The following ACTN2 variants were observed in gnomAD, a reference collection of about 807,000 sequenced individuals.
ACTN2 encodes the protein alpha-actinin-2.
A neutral mutation model predicts 113.8 loss-of-function variants in ACTN2; 39 were observed. The ratio of observed to expected loss-of-function variants is 0.34; its 90% CI spans 0.27 to 0.45. ACTN2 has a LOEUF of 0.45. Ranked by LOEUF, ACTN2 falls within the 20% of genes least tolerant of loss-of-function variation. The pLI is 1.00. For missense variants in ACTN2, 992 were observed against 1,177.9 expected (o/e 0.84, Z 2.31); for synonymous variants, 429 against 444.1 (o/e 0.97, Z 0.43).
chr1:236,753,870 A>ACAAAAAACC, intron 15 of ACTN2, 77 bp from the exon 16 acceptor site: 1 of 1,088,468 alleles, frequency 9.2e-7, no homozygotes, highest in Non-Finnish European at 1.3e-6. Flanking sequence ...CACCCCTTGG[A>ACAAAAAACC]CTATTCCCGC....
chr1:236,744,164 C>G lies in ACTN2; in HGVS notation c.1256-462C>G, dbSNP rs140195711. Among the ~76,000 whole-genome samples, 630 of 152,270 alleles carry G rather than the reference C, an allele frequency of 4.1e-3. 2 individuals carry two copies. Among genetic ancestry groups the G allele is most frequent in the African/African-American group, 0.014 (590 of 41,540 alleles). Reference sequence around the variant, plus strand: ...ATTATCAGGAAAAACAAAGCACAGGCTCCATTTAAGCACACAGAGTATAGC... The same window carrying G: ...ATTATCAGGAAAAACAAAGCACAGGGTCCATTTAAGCACACAGAGTATAGC... On this transcript the variant is annotated intron_variant, in intron 11 of 20. Coordinates refer to ENST00000366578, the MANE Select transcript of ACTN2 (RefSeq NM_001103.4).
chr1:236,749,208 G>T lies in ACTN2; in HGVS notation c.1600G>T (p.Gly534Cys). The change falls in exon 14 of 21, where the codon GGC becomes TGC. Residue 534 changes from glycine to cysteine, a missense_variant. Gly to Cys is a radical substitution (Grantham distance 159). Around this residue, in one of 3 missense-constraint regions of ACTN2, gnomAD observed 736 missense variants for 815.4 expected, o/e 0.90. Coordinates refer to ENST00000366578, the MANE Select transcript of ACTN2 (RefSeq NM_001103.4). ...TGCTCCTTTCAACAATTGGATGGAG[G>T]GCGCTATGGAGGATCTGCAAGATAT... ...RAAPFNNWME[G>C]AMEDLQDMFI... 1.2e-6 allele frequency: 2 copies of T among 1,614,156 alleles called. No homozygotes were observed. The highest frequency in any genetic ancestry group is 1.7e-6 in the Non-Finnish European group (2 of 1,180,026).
At chr1:236,739,178 C>CCA in intron 9 of ACTN2, 124 bp from the exon 10 acceptor site, 1 of 1,010,300 alleles carries the variant, frequency 9.9e-7, no homozygotes. Flanking sequence ...CGTAGAGGTA[C>CCA]CACATCTCAG....
chr1:236,718,535 A>G (rs1658288731), intron 2 of ACTN2, among the ~76,000 whole-genome samples: 1 of 152,200 alleles, frequency 6.6e-6, no homozygotes, highest in Non-Finnish European at 1.5e-5. Flanking sequence ...CTGTGATTTT[A>G]ACTGGCCATC....
chr1:236,701,377 G>GTA (rs200126003), intron 1 of ACTN2, among the ~76,000 whole-genome samples: 1,727 of 152,098 alleles, frequency 0.011, 35 homozygotes, highest in African/African-American at 0.039. Context: ...TGAGATATAT[G>GTA]TATATATATC....
intron 7 of ACTN2, among the ~76,000 whole-genome samples, chr1:236,733,939 G>A (rs1376252593): frequency 1.3e-5 from 2 of 152,154 alleles, no homozygotes; most frequent in African/African-American, 4.8e-5. Context: ...CTTATCTACT[G>A]TGCTTTTACA....
At chr1:236,723,417 G>A (rs1420721081) in intron 4 of ACTN2, among the ~76,000 whole-genome samples, 1 of 152,076 alleles carries the variant, frequency 6.6e-6, no homozygotes, top group Non-Finnish European at 1.5e-5. Flanking sequence ...CTGGGTTATG[G>A]GTCCAAGAAA....
At chr1:236,696,592 G>A (rs1187344989) in intron 1 of ACTN2, among the ~76,000 whole-genome samples, 1 of 151,928 alleles carries the variant, frequency 6.6e-6, no homozygotes, top group Non-Finnish European at 1.5e-5. Context: ...AATACTTGAT[G>A]CTGACCATTT....
chr1:236,711,203 A>G (rs1216053595), intron 1 of ACTN2, among the ~76,000 whole-genome samples: 1 of 152,116 alleles, frequency 6.6e-6, no homozygotes, highest in African/African-American at 2.4e-5. Context: ...TAGGAAAGAG[A>G]TCCTAATATT....
At position 236,762,592 on chromosome 1, in the gene ACTN2, C is replaced by A; in HGVS notation, c.2658C>A (p.Ser886=). The change falls in exon 21 of 21, where the codon TCC becomes TCA. Residue 886 remains serine (S), a synonymous_variant. Transcript: ENST00000366578. ...PGALDYAAFS[S]ALYGESDL is the part of the protein sequence containing the mutation. ...CACTGGATTACGCTGCGTTCTCTTC[C>A]GCACTCTACGGGGAGAGCGATCTGT... 1 of 1,614,080 alleles carries A rather than the reference C, an allele frequency of 6.2e-7. No individual in the cohort carries two copies. Among genetic ancestry groups the A allele is most frequent in the Non-Finnish European group, 8.5e-7 (1 of 1,180,000 alleles).
intron 14 of ACTN2, among the ~76,000 whole-genome samples, chr1:236,751,089 C>CAAA (rs71178349): frequency 1.7e-5 from 1 of 60,308 alleles, no homozygotes; most frequent in Non-Finnish European, 2.9e-5. Flanking sequence ...GACCCTGTCT[C>CAAA]AAAAAAAAAA....
At chr1:236,752,397 G>C (rs1659421466) in intron 15 of ACTN2, among the ~76,000 whole-genome samples, 1 of 147,162 alleles carries the variant, frequency 6.8e-6, no homozygotes, top group Non-Finnish European at 1.5e-5. Context: ...ATTTATCCGA[G>C]AAACAGTAGT....
intron 14 of ACTN2, 96 bp downstream of exon 14, chr1:236,749,360 T>A: frequency 1.8e-5 from 27 of 1,473,838 alleles, no homozygotes; most frequent in Admixed American, 3.8e-5. Context: ...TTTCTTGCTT[T>A]AAAAAAAAAT....
intron 1 of ACTN2, among the ~76,000 whole-genome samples, chr1:236,689,073 T>C (rs1417891641): frequency 1.3e-5 from 2 of 152,000 alleles, no homozygotes; most frequent in Non-Finnish European, 2.9e-5. Flanking sequence ...TTTATAAAAG[T>C]GTAATGAGTT....
intron 1 of ACTN2, among the ~76,000 whole-genome samples, chr1:236,705,815 T>G (rs2102875331): frequency 6.6e-6 from 1 of 152,364 alleles, no homozygotes; most frequent in South Asian, 2.1e-4. Flanking sequence ...AGATTTGGCT[T>G]TGTTGAAAAC....
chr1:236,710,772 A>G (rs1001905804), intron 1 of ACTN2, among the ~76,000 whole-genome samples: 1 of 152,114 alleles, frequency 6.6e-6, no homozygotes, highest in African/African-American at 2.4e-5. Flanking sequence ...TCAGATTCTC[A>G]TAGGAGTGCA....
At chr1:236,704,806 G>A (rs1383990754) in intron 1 of ACTN2, among the ~76,000 whole-genome samples, 1 of 152,154 alleles carries the variant, frequency 6.6e-6, no homozygotes, top group Non-Finnish European at 1.5e-5. Flanking sequence ...GACCTCACTG[G>A]ATAGGCATAA....
chr1:236,755,677 G>C (rs1659536034), intron 17 of ACTN2, among the ~76,000 whole-genome samples: 1 of 148,146 alleles, frequency 6.8e-6, no homozygotes, highest in Non-Finnish European at 1.5e-5. Flanking sequence ...CCTGGTAATA[G>C]AGTATATACT....
At chr1:236,734,414 C>T (rs1658804456) in intron 7 of ACTN2, 2 of 1,518,966 alleles carry the variant, frequency 1.3e-6, no homozygotes, top group Admixed American at 2.0e-5. Flanking sequence ...ACGCGGTTAA[C>T]CTTCTTTTCT....
Sources: allele counts gnomAD v4.1 joint callset (sites outside exome capture counted in the v4.1 genomes callset), GRCh38; gene constraint gnomAD v4.1.1; regional missense constraint gnomAD v4.1.1; transcripts MANE v1.5; gene names NCBI Gene and HGNC (gene_info 2026-07-23, HGNC 2026-07-21).